Variants in ROBO2 observed in about 807,000 individuals in gnomAD.
ROBO2 encodes the protein roundabout homolog 2.
A neutral mutation model predicts 160.8 loss-of-function variants in ROBO2; 53 were observed. That is an observed-to-expected ratio of 0.33 (90% CI 0.26 to 0.41). The LOEUF is 0.41. ROBO2 is among the 10% of genes least tolerant of loss of function. The probability of loss-of-function intolerance (pLI) is 1.00; values close to 1 mark genes in which losing one functional copy is unlikely to be tolerated. For missense variants in ROBO2, 1,577 were observed against 1,722.4 expected (o/e 0.92, Z 1.49); for synonymous variants, 664 against 611.7 (o/e 1.09, Z -1.26).
At chr3:77,054,463 G>T (rs1343123470) in intron 1 of ROBO2, among the ~76,000 whole-genome samples, 1 of 152,136 alleles carries the variant, frequency 6.6e-6, no homozygotes, top group African/African-American at 2.4e-5. Flanking sequence ...TCCAGTAGAA[G>T]AAAGTATTGG....
chr3:76,371,792 T>C (rs2076115590), intron 2 of ROBO2, among the ~76,000 whole-genome samples: 1 of 152,062 alleles, frequency 6.6e-6, no homozygotes, highest in South Asian at 2.1e-4. Flanking sequence ...ATGGTTACTA[T>C]AATATTAAAT....
At chr3:76,778,682 T>C (rs566774951) in intron 2 of ROBO2, among the ~76,000 whole-genome samples, 2 of 151,230 alleles carry the variant, frequency 1.3e-5, no homozygotes, top group South Asian at 4.2e-4. Flanking sequence ...AATATTACAA[T>C]GTATAGGCAA....
intron 1 of ROBO2, among the ~76,000 whole-genome samples, chr3:75,933,010 A>G (rs1947612746): frequency 6.6e-6 from 1 of 152,202 alleles, no homozygotes; most frequent in Non-Finnish European, 1.5e-5. Flanking sequence ...ATCACTATTA[A>G]AGGCCAGGTA....
intron 2 of ROBO2, among the ~76,000 whole-genome samples, chr3:76,880,853 G>C (rs1434843390): frequency 1.3e-5 from 2 of 152,148 alleles, no homozygotes; most frequent in Non-Finnish European, 2.9e-5. Context: ...TTTGGACTTT[G>C]TGATACTTTA....
intron 5 of ROBO2, among the ~76,000 whole-genome samples, chr3:77,502,568 T>C (rs2087774505): frequency 6.6e-6 from 1 of 152,156 alleles, no homozygotes; most frequent in Admixed American, 6.6e-5. Context: ...GTTAAAGAAG[T>C]GCTTGCTGAA....
intron 2 of ROBO2, among the ~76,000 whole-genome samples, chr3:76,104,896 G>A (rs1383784101): frequency 6.6e-6 from 1 of 152,092 alleles, no homozygotes; most frequent in African/African-American, 2.4e-5. Flanking sequence ...CTGTACTATG[G>A]GAATGATTTA....
intron 2 of ROBO2, among the ~76,000 whole-genome samples, chr3:76,804,373 A>C (rs1344941382): frequency 6.6e-6 from 1 of 152,222 alleles, no homozygotes; most frequent in Non-Finnish European, 1.5e-5. Context: ...AGAATTGAAC[A>C]TGGTACAGCT....
chr3:77,190,683 C>A (rs958672549), intron 2 of ROBO2, among the ~76,000 whole-genome samples: 14 of 151,962 alleles, frequency 9.2e-5, no homozygotes, highest in Non-Finnish European at 1.5e-5. Context: ...TTTAAAAGAA[C>A]ATGCCTTAAA....
chr3:76,219,337 A>C (rs1358574381), intron 2 of ROBO2, among the ~76,000 whole-genome samples: 3 of 152,218 alleles, frequency 2.0e-5, no homozygotes, highest in Non-Finnish European at 4.4e-5. Flanking sequence ...GATCTAATTA[A>C]ACTAAAGAGC....
At chr3:76,110,528 T>G (rs2070180446) in intron 2 of ROBO2, among the ~76,000 whole-genome samples, 1 of 152,098 alleles carries the variant, frequency 6.6e-6, no homozygotes, top group Admixed American at 6.6e-5. Context: ...AGGTTAAATA[T>G]AAGATGGAAA....
intron 2 of ROBO2, among the ~76,000 whole-genome samples, chr3:77,422,538 A>G (rs912526055): frequency 3.3e-5 from 5 of 152,200 alleles, no homozygotes; most frequent in African/African-American, 1.2e-4. Flanking sequence ...CTAGTGTTTC[A>G]TAAATTAGAG....
intron 2 of ROBO2, among the ~76,000 whole-genome samples, chr3:76,911,257 T>C (rs1290613384): frequency 2.0e-5 from 3 of 152,216 alleles, no homozygotes; most frequent in Non-Finnish European, 4.4e-5. Flanking sequence ...ACAAGTCTTA[T>C]TGATCTGACA....
At chr3:76,253,275 A>G (rs1706152256) in intron 2 of ROBO2, among the ~76,000 whole-genome samples, 1 of 151,794 alleles carries the variant, frequency 6.6e-6, no homozygotes, top group South Asian at 2.1e-4. Flanking sequence ...ATGTTTATTT[A>G]TTTATTTATT....
At chr3:76,237,437 C>T (rs1330708080) in intron 2 of ROBO2, among the ~76,000 whole-genome samples, 1 of 152,100 alleles carries the variant, frequency 6.6e-6, no homozygotes, top group Non-Finnish European at 1.5e-5. Context: ...GGATCCCTCC[C>T]TTTGAAGATA....
At chr3:76,364,280 A>G (rs1289729646) in intron 2 of ROBO2, among the ~76,000 whole-genome samples, 2 of 152,048 alleles carry the variant, frequency 1.3e-5, no homozygotes, top group African/African-American at 4.8e-5. Context: ...ACCCAATTCA[A>G]CTAGTAACTC....
At chr3:76,507,536 G>A (rs752003389) in intron 2 of ROBO2, among the ~76,000 whole-genome samples, 1 of 152,004 alleles carries the variant, frequency 6.6e-6, no homozygotes, top group Non-Finnish European at 1.5e-5. Context: ...TACAGAGAAT[G>A]CCTCTTCATT....
At chr3:76,018,103 A>G (rs185823539) in intron 2 of ROBO2, among the ~76,000 whole-genome samples, 1 of 152,168 alleles carries the variant, frequency 6.6e-6, no homozygotes, top group East Asian at 1.9e-4. Context: ...ATTAGGAGAT[A>G]GCAAATGGGG....
At chr3:76,098,924 A>G in intron 2 of ROBO2, among the ~76,000 whole-genome samples, 1 of 152,192 alleles carries the variant, frequency 6.6e-6, no homozygotes, top group East Asian at 1.9e-4. Context: ...CACGATATGA[A>G]AGCATTAATT....
At position 76,377,973 on chromosome 3, in the gene ROBO2, A is replaced by G. The variant is rs1252514315; in HGVS notation, c.109+440371A>G. ...GCTAGGAGCACGTGTGTGACTGAGT[A>G]GTTGACTTTAACATCACCCTCTGCC... On this transcript the variant is annotated intron_variant, in intron 2 of 26. Transcript: ENST00000487694. Among the ~76,000 whole-genome samples, 4 of 152,116 alleles carry G rather than the reference A, an allele frequency of 2.6e-5. No homozygotes were observed. In the South Asian group the frequency reaches 6.2e-4, roughly 24 times the overall value.
Sources: allele counts gnomAD v4.1 joint callset (sites outside exome capture counted in the v4.1 genomes callset), GRCh38; gene constraint gnomAD v4.1.1; transcripts MANE v1.5; gene names NCBI Gene and HGNC (gene_info 2026-07-23, HGNC 2026-07-21).